The following FHIT variants were observed in gnomAD, a reference collection of about 807,000 sequenced individuals.
FHIT encodes bis(5'-adenosyl)-triphosphatase.
In FHIT, 19 loss-of-function variants were observed where a neutral mutation model predicts 17.9. The ratio of observed to expected loss-of-function variants is 1.06; its 90% CI spans 0.74 to 1.56. The LOEUF is 1.56. Ranked by LOEUF, FHIT falls within the 40% of genes most tolerant of loss-of-function variation. The pLI is 0.00. For missense variants in FHIT, 248 were observed against 189.2 expected (o/e 1.31, Z -1.82); for synonymous variants, 81 against 69.7 (o/e 1.16, Z -0.81).
At chr3:60,803,268 G>A (rs1701260285) in intron 4 of FHIT, among the ~76,000 whole-genome samples, 2 of 152,180 alleles carry the variant, frequency 1.3e-5, no homozygotes, top group Admixed American at 1.3e-4. Context: ...CTGTGAGCAT[G>A]AGTTGTGTGT....
intron 5 of FHIT, among the ~76,000 whole-genome samples, chr3:60,316,372 T>C (rs1439284847): frequency 1.3e-5 from 2 of 152,168 alleles, no homozygotes; most frequent in Admixed American, 6.6e-5. Context: ...ATAAGTGCAA[T>C]AGTGTGTTTA....
chr3:60,786,822 G>C lies in FHIT; in HGVS notation c.-18+35097C>G, dbSNP rs80108256. On this transcript the variant is annotated intron_variant, in intron 4 of 9. Transcript: ENST00000492590. ...GAATGAAGAATGAATGAATGAATGG[G>C]CTGATTTTCCTATTTGATCAAAAGC... Among the ~76,000 whole-genome samples the C allele has an allele frequency of 1.5e-3, 235 of 152,136 alleles. 2 individuals carry two copies. The highest frequency in any genetic ancestry group is 5.4e-3 in the African/African-American group (226 of 41,524).
At chr3:61,057,222 A>G (rs1359113262) in intron 2 of FHIT, among the ~76,000 whole-genome samples, 2 of 152,228 alleles carry the variant, frequency 1.3e-5, no homozygotes, top group Non-Finnish European at 2.9e-5. Context: ...ATTGCATGTA[A>G]TTTGTAAACG....
chr3:60,656,907 G>T (rs1407540176), intron 4 of FHIT, among the ~76,000 whole-genome samples: 1 of 152,042 alleles, frequency 6.6e-6, no homozygotes, highest in Non-Finnish European at 1.5e-5. Flanking sequence ...GAGATTGAAA[G>T]AGGTGGTTTG....
At chr3:60,166,452 G>C (rs947308900) in intron 5 of FHIT, among the ~76,000 whole-genome samples, 2 of 152,152 alleles carry the variant, frequency 1.3e-5, no homozygotes, top group African/African-American at 2.4e-5. Flanking sequence ...CATCCAATAT[G>C]TGTTAAGTGC....
At chr3:59,897,598 A>C (rs902122906) in intron 8 of FHIT, among the ~76,000 whole-genome samples, 1 of 152,194 alleles carries the variant, frequency 6.6e-6, no homozygotes, top group Non-Finnish European at 1.5e-5. Flanking sequence ...CAAGTGAAAT[A>C]ATGAAGCCAT....
At chr3:59,841,001 T>C (rs1050368536) in intron 8 of FHIT, among the ~76,000 whole-genome samples, 4 of 152,180 alleles carry the variant, frequency 2.6e-5, no homozygotes, top group African/African-American at 9.7e-5. Flanking sequence ...CAGGAACCAA[T>C]GGTGCCCTCA....
chr3:59,796,536 T>C (rs1328950675), intron 8 of FHIT, among the ~76,000 whole-genome samples: 6 of 152,208 alleles, frequency 3.9e-5, no homozygotes, highest in Admixed American at 2.6e-4. Context: ...CTGTCTTGTT[T>C]TTCTGTCTGC....
intron 5 of FHIT, among the ~76,000 whole-genome samples, chr3:60,277,762 CTT>C (rs1197217361): frequency 1.3e-5 from 2 of 152,150 alleles, no homozygotes. Flanking sequence ...TCTCCTTTCT[CTT>C]TCTTTTGCCT....
chr3:60,761,327 C>T (rs1396831193), intron 4 of FHIT, among the ~76,000 whole-genome samples: 3 of 152,114 alleles, frequency 2.0e-5, no homozygotes, highest in African/African-American at 4.8e-5. Flanking sequence ...AGTGAACGTG[C>T]GTATGAGCAC....
chr3:60,116,250 CA>C (rs1225238413), intron 5 of FHIT, among the ~76,000 whole-genome samples: 2 of 151,880 alleles, frequency 1.3e-5, no homozygotes, highest in East Asian at 3.9e-4. Context: ...GAAATATAAA[CA>C]AAAAAAGCAT....
intron 8 of FHIT, among the ~76,000 whole-genome samples, chr3:59,849,203 G>C (rs988679043): frequency 2.0e-5 from 3 of 151,972 alleles, no homozygotes; most frequent in African/African-American, 7.2e-5. Flanking sequence ...AAAGCCCATG[G>C]CTCCATTAAA....
intron 5 of FHIT, among the ~76,000 whole-genome samples, chr3:60,181,319 T>G (rs1701925050): frequency 6.6e-6 from 1 of 152,004 alleles, no homozygotes; most frequent in Non-Finnish European, 1.5e-5. Context: ...CTAGTTTTTA[T>G]GTTTTTAGTA....
chr3:60,839,457 T>G (rs1269312032), intron 3 of FHIT, among the ~76,000 whole-genome samples: 1 of 152,202 alleles, frequency 6.6e-6, no homozygotes, highest in Non-Finnish European at 1.5e-5. Flanking sequence ...GGCAGCACAT[T>G]CAGTGAAGTG....
At position 59,907,018 on chromosome 3, in the gene FHIT, G is replaced by C. The variant is rs1575675791; in HGVS notation, c.348+15328C>G. On this transcript the variant is annotated intron_variant, in intron 8 of 9. Transcript: ENST00000492590. ...CTCAATTGAACTATTTAGTGTCATAGAATCACAAAGTATCAGAGCTGAAAG... is the reference window on the plus strand; with the variant it reads ...CTCAATTGAACTATTTAGTGTCATACAATCACAAAGTATCAGAGCTGAAAG... Among the ~76,000 whole-genome samples the C allele has an allele frequency of 2.6e-5, 4 of 152,212 alleles. No homozygotes were observed. The East Asian group carries it at 7.7e-4, about 29-fold the overall frequency.
At chr3:59,896,432 C>T (rs9311736) in intron 8 of FHIT, among the ~76,000 whole-genome samples, 4,172 of 152,084 alleles carry the variant, frequency 0.027, 172 homozygotes, top group African/African-American at 0.095. Context: ...TATTTAACTG[C>T]GATCAATTCA....
At chr3:59,826,877 C>T (rs1700997174) in intron 8 of FHIT, among the ~76,000 whole-genome samples, 4 of 152,228 alleles carry the variant, frequency 2.6e-5, no homozygotes. Flanking sequence ...CACTGTGTTT[C>T]CACTTGGCAA....
intron 2 of FHIT, among the ~76,000 whole-genome samples, chr3:61,099,765 C>T (rs573261680): frequency 2.6e-5 from 4 of 152,058 alleles, no homozygotes; most frequent in African/African-American, 9.6e-5. Context: ...ATAATATCCT[C>T]CTTGTGATTT....
At chr3:61,090,736 G>A (rs753639028) in intron 2 of FHIT, among the ~76,000 whole-genome samples, 5 of 152,142 alleles carry the variant, frequency 3.3e-5, no homozygotes, top group Admixed American at 6.5e-5. Context: ...GATGATATAT[G>A]TTTAGAATTA....
Sources: allele counts gnomAD v4.1 joint callset (sites outside exome capture counted in the v4.1 genomes callset), GRCh38; gene constraint gnomAD v4.1.1; transcripts MANE v1.5; gene names NCBI Gene and HGNC (gene_info 2026-07-23, HGNC 2026-07-21).